Variants in ADGRV1 observed in about 807,000 individuals in gnomAD.
ADGRV1 encodes the protein adhesion G protein-coupled receptor V1, also known as G-protein coupled receptor 98.
A neutral mutation model predicts 596.2 loss-of-function variants in ADGRV1; 359 were observed. The observed-to-expected ratio is 0.60, with a 90% CI of 0.55 to 0.66. The LOEUF (loss-of-function observed/expected upper bound fraction) is 0.66, where lower values mean the gene tolerates loss of function less well. Among genes scored for constraint, ADGRV1 ranks in the 30% least tolerant of loss-of-function variants. The pLI is 0.00. For missense variants in ADGRV1, 7,274 were observed against 7,575.6 expected (o/e 0.96, Z 1.48); for synonymous variants, 2,681 against 2,679.2 (o/e 1.00, Z -0.02).
At chr5:90,574,711 T>A (rs2151962311) in intron 1 of ADGRV1, among the ~76,000 whole-genome samples, 1 of 152,318 alleles carries the variant, frequency 6.6e-6, no homozygotes, top group South Asian at 2.1e-4. Flanking sequence ...TGAATCCATC[T>A]GGTCCAGGAT....
chr5:90,579,021 G>A (rs1454690504), intron 1 of ADGRV1, among the ~76,000 whole-genome samples: 1 of 152,084 alleles, frequency 6.6e-6, no homozygotes, highest in East Asian at 1.9e-4. Flanking sequence ...CTTGCTAGCG[G>A]TCTACCTATT....
chr5:90,992,877 A>T (rs2151077935), intron 85 of ADGRV1, among the ~76,000 whole-genome samples: 1 of 152,274 alleles, frequency 6.6e-6, no homozygotes, highest in Admixed American at 6.5e-5. Context: ...ACTTTTAAGA[A>T]TTTTAAACTT....
chr5:91,056,134 T>C lies in ADGRV1; in HGVS notation c.18153-16313T>C, dbSNP rs531659085. 4.6e-5 allele frequency among the ~76,000 whole-genome samples: 7 copies of C among 152,260 alleles called. No homozygotes were observed. The South Asian group carries it at 8.3e-4, about 18-fold the overall frequency. ...CCCAATTCATTCAACTTTTGAAGCGTTGGTTGTGCGACGTGTGGTTGGGCA... is the reference window on the plus strand; with the variant it reads ...CCCAATTCATTCAACTTTTGAAGCGCTGGTTGTGCGACGTGTGGTTGGGCA... On this transcript the variant is annotated intron_variant, in intron 85 of 89. Transcript: ENST00000405460.
chr5:90,849,747 T>C lies in ADGRV1; in HGVS notation c.17204+926T>C, dbSNP rs562129144. On this transcript the variant is annotated intron_variant, in intron 79 of 89. Coordinates refer to ENST00000405460, the MANE Select transcript of ADGRV1 (RefSeq NM_032119.4). ...AGTTCAAAGAGATAGTCAATCCAGATAGAAAAAAGTTATAAGAACAAGGAA... is the reference window on the plus strand; with the variant it reads ...AGTTCAAAGAGATAGTCAATCCAGACAGAAAAAAGTTATAAGAACAAGGAA... Among the ~76,000 whole-genome samples the C allele has an allele frequency of 1.5e-3, 226 of 152,174 alleles. 1 individual carries two copies. Among genetic ancestry groups the C allele is most frequent in the South Asian group, 8.5e-3 (41 of 4,822 alleles).
In ADGRV1 at chr5:90,810,289, G is replaced by A; in HGVS notation, c.15029G>A (p.Ser5010Asn). 1 of 1,601,856 alleles carries A rather than the reference G, an allele frequency of 6.2e-7. No individual in the cohort carries two copies. Among genetic ancestry groups the A allele is most frequent in the Non-Finnish European group, 8.5e-7 (1 of 1,173,618 alleles). The change falls in exon 74 of 90, where the codon AGC becomes AAC. Residue 5010 changes from serine to asparagine, a missense_variant. Physicochemically the swap from Ser to Asn is conservative, Grantham distance 46 (BLOSUM62 1). Transcript: ENST00000405460. ...EPMGVFQFST[S>N]SRNIIVSEDT... ...ATGGGCGTCTTCCAATTTTCCACTA[G>A]CTCAAGAAATATCATAGTGTCAGAA...
At chr5:90,632,845 G>A (rs1052662417) in intron 9 of ADGRV1, among the ~76,000 whole-genome samples, 5 of 152,288 alleles carry the variant, frequency 3.3e-5, no homozygotes, top group African/African-American at 4.8e-5. Context: ...GGGTGAACAA[G>A]GCATTATTAG....
intron 84 of ADGRV1, 78 bp downstream of exon 84, chr5:90,965,609 C>T: frequency 1.3e-6 from 1 of 753,306 alleles, no homozygotes; most frequent in East Asian, 2.5e-5. Flanking sequence ...GTCTGATACT[C>T]TGTACTGAAG....
rs747192045 is a variant in ADGRV1, at chr5:90,728,774, A to G, written c.10267A>G (p.Ile3423Val). The G allele has an allele frequency of 2.5e-5, 40 of 1,613,832 alleles. No individual in the cohort carries two copies. Among genetic ancestry groups the G allele is most frequent in the Middle Eastern group, 1.6e-4 (1 of 6,076 alleles). The change falls in exon 49 of 90, where the codon ATT becomes GTT. Residue 3423 changes from isoleucine to valine, a missense_variant. Transcript: ENST00000405460. ...FNKGGSVFLAISQANARLNSL... is the reference protein window; with the variant it reads ...FNKGGSVFLAVSQANARLNSL... ...CAAGGGAGGCTCTGTGTTCTTAGCC[A>G]TTTCCCAGGCTAATGCCAGGCTAAA...
At position 90,605,286 on chromosome 5, in the gene ADGRV1, G is replaced by A. The variant is rs573982883; in HGVS notation, c.23-9549G>A. 2.8e-4 allele frequency among the ~76,000 whole-genome samples: 42 copies of A among 151,970 alleles called. 1 individual carries two copies. The highest frequency in any genetic ancestry group is 1.4e-3 in the East Asian group (7 of 5,158). ...AAAAATTAGCTGGGCGTGGTGGCAC[G>A]TGCCTGTAGTCCCAGCTACTCAGGA... On this transcript the variant is annotated intron_variant, in intron 1 of 89. Transcript: ENST00000405460.
At chr5:91,005,420 C>G (rs530984496) in intron 85 of ADGRV1, among the ~76,000 whole-genome samples, 2 of 152,056 alleles carry the variant, frequency 1.3e-5, no homozygotes, top group South Asian at 4.2e-4. Context: ...TCACTGCAAC[C>G]TCGCCTCCTG....
At chr5:91,129,518 C>T (rs1794036336) in intron 87 of ADGRV1, among the ~76,000 whole-genome samples, 1 of 152,130 alleles carries the variant, frequency 6.6e-6, no homozygotes, top group Non-Finnish European at 1.5e-5. Context: ...GGCTCAAAAA[C>T]AACTTCATTT....
intron 87 of ADGRV1, among the ~76,000 whole-genome samples, chr5:91,140,434 T>G (rs934187401): frequency 8.5e-5 from 13 of 152,212 alleles, no homozygotes; most frequent in Non-Finnish European, 1.9e-4. Context: ...TTAAGACTAC[T>G]TATAACAAGA....
intron 86 of ADGRV1, among the ~76,000 whole-genome samples, chr5:91,088,290 CT>C (rs1333281095): frequency 6.6e-6 from 1 of 152,106 alleles, no homozygotes; most frequent in Non-Finnish European, 1.5e-5. Context: ...TTCTCCCCAT[CT>C]TTTTCCCCCA....
chr5:90,856,000 C>T (rs1360432888), intron 82 of ADGRV1, 99 bp downstream of exon 82: 9 of 938,076 alleles, frequency 9.6e-6, no homozygotes, highest in African/African-American at 3.3e-5. Context: ...GCAAACATAC[C>T]GTAATTCATC....
At chr5:90,721,126 T>C (rs1580864969) in intron 45 of ADGRV1, 67 bp downstream of exon 45, 2 of 1,391,578 alleles carry the variant, frequency 1.4e-6, no homozygotes, top group Non-Finnish European at 2.0e-6. Flanking sequence ...AAGATTTATA[T>C]TTTTTCCTTT....
chr5:90,649,746 C>T (rs892865577), intron 17 of ADGRV1, among the ~76,000 whole-genome samples: 1 of 152,208 alleles, frequency 6.6e-6, no homozygotes, highest in South Asian at 2.1e-4. Context: ...GCCTGGGCCC[C>T]CCAGGGTGCT....
At chr5:90,607,870 T>C (rs1266906983) in intron 1 of ADGRV1, among the ~76,000 whole-genome samples, 1 of 152,066 alleles carries the variant, frequency 6.6e-6, no homozygotes, top group Non-Finnish European at 1.5e-5. Flanking sequence ...TGATGAAGAA[T>C]TACCAGATAT....
Position 90,672,567 on chromosome 5 carries a change from A to G in ADGRV1, c.4774A>G (p.Ile1592Val), listed in dbSNP as rs200592712. The change falls in exon 22 of 90, where the codon ATT becomes GTT. Residue 1592 changes from isoleucine to valine, a missense_variant. This residue lies in a region of ADGRV1 where 3,643 missense variants were observed against 3,809.2 expected (regional missense o/e 0.96). Transcript: ENST00000405460. ...TCAGATTGCAGAGGAGGGATCAACC[A>G]TTTCTTGTGTGGTTGAGAGAACCAG... The part of the protein sequence containing the change: ...IPEIAEEGST[I>V]SCVVERTRGA... 8.1e-6 allele frequency: 13 copies of G among 1,613,650 alleles called. No individual in the cohort carries two copies. The Admixed American group carries it at 2.0e-4, about 25-fold the overall frequency.
Position 91,054,102 on chromosome 5 carries a change from TGAGAGA to T in ADGRV1, c.18153-18318_18153-18313del, listed in dbSNP as rs3079380. 8.6e-3 allele frequency among the ~76,000 whole-genome samples: 1,095 copies of T among 126,714 alleles called. 22 individuals are homozygous for T. Among genetic ancestry groups the T allele is most frequent in the African/African-American group, 0.031 (987 of 31,736 alleles). The allele number at this position is 126,714 out of a possible 152,430, so 83.1% of individuals were successfully genotyped here. A position where few individuals can be genotyped will look rare whatever the true frequency, so the allele number is the denominator to read the frequency against. ...GTGTGTGTGTGTGTGTGTGTGTGTG[TGAGAGA>T]GAGAGAGAGAGAGAGAGAGAGAGAG... is the stretch of plus-strand genomic sequence containing the variant. On this transcript the variant is annotated intron_variant, in intron 85 of 89. Coordinates refer to ENST00000405460, the MANE Select transcript of ADGRV1 (RefSeq NM_032119.4).
Sources: gnomAD v4.1 joint callset for allele counts (sites outside exome capture counted in the v4.1 genomes callset) on GRCh38, gnomAD v4.1.1 for gene constraint, gnomAD v4.1.1 regional missense constraint, MANE v1.5 for transcripts, NCBI Gene and HGNC (gene_info 2026-07-23, HGNC 2026-07-21) for gene names.